OR1J2: variants seen among roughly 807,000 people sequenced by gnomAD.
OR1J2 encodes olfactory receptor family 1 subfamily J member 2, also known as olfactory receptor 1J2.
For missense variants in OR1J2, 304 were observed against 246.1 expected (o/e 1.24, Z -1.57); for synonymous variants, 142 against 99.7 (o/e 1.42, Z -2.52).
chr9:122,518,159 T>G, the OR1J2 span, among the ~76,000 whole-genome samples: 1 of 152,204 alleles, frequency 6.6e-6, no homozygotes, highest in African/African-American at 2.4e-5. Flanking sequence ...ATATATGCCA[T>G]GGCTTTAGAA....
the OR1J2 span, among the ~76,000 whole-genome samples, chr9:122,528,830 A>G: frequency 6.6e-6 from 1 of 152,328 alleles, no homozygotes; most frequent in East Asian, 1.9e-4. Flanking sequence ...AGTTTACACT[A>G]TGTCTTGGAG....
chr9:122,511,700 C>T lies in OR1J2; in HGVS notation c.899C>T (p.Ala300Val), dbSNP rs148745931. Reference sequence around the variant, plus strand: ...CTTAGGAACAGGGACATGAAAGAGGCCCTTGGGAAACTCTTCAGTAGAGCA... The same window carrying T: ...CTTAGGAACAGGGACATGAAAGAGGTCCTTGGGAAACTCTTCAGTAGAGCA... Reference protein sequence around the residue: ...YSLRNRDMKEALGKLFSRATF... With the variant: ...YSLRNRDMKEVLGKLFSRATF... The change falls in exon 1 of 1, where the codon GCC (alanine) becomes GTC (valine). Residue 300 changes from alanine (A) to valine (V), a missense_variant. Transcript: ENST00000335302. 1.8e-5 allele frequency: 14 copies of T among 780,880 alleles called. No homozygotes were observed. In the African/African-American group the frequency reaches 2.0e-4, roughly 11 times the overall value. The allele number at this position is 780,880 out of a possible 1,614,324, so 48.4% of individuals were successfully genotyped here.
At chr9:122,555,798 C>T in the OR1J2 span, among the ~76,000 whole-genome samples, 1 of 152,084 alleles carries the variant, frequency 6.6e-6, no homozygotes, top group East Asian at 1.9e-4. Flanking sequence ...ACTTTATGCC[C>T]CAACACACGC....
the OR1J2 span, among the ~76,000 whole-genome samples, chr9:122,489,295 A>T: frequency 6.6e-6 from 1 of 151,696 alleles, no homozygotes; most frequent in Non-Finnish European, 1.5e-5. Context: ...ATATATATAT[A>T]TTTACACTCG....
chr9:122,499,642 G>C, the OR1J2 span, among the ~76,000 whole-genome samples: 16 of 152,214 alleles, frequency 1.1e-4, no homozygotes, highest in Non-Finnish European at 2.4e-4. Context: ...GAAGAATAGG[G>C]TGGGTCAGGC....
chr9:122,477,192 G>A, the OR1J2 span: 1 of 1,614,090 alleles, frequency 6.2e-7, no homozygotes, highest in African/African-American at 1.3e-5. Context: ...TCACCACTGA[G>A]AGGTGGGATC....
chr9:122,512,402 A>T (rs570804578), downstream of OR1J2, among the ~76,000 whole-genome samples: 1 of 152,360 alleles, frequency 6.6e-6, no homozygotes, highest in African/African-American at 2.4e-5. Context: ...ATGATTTAGT[A>T]GAATTTTGGG....
At chr9:122,566,851 A>G in the OR1J2 span, among the ~76,000 whole-genome samples, 3 of 152,188 alleles carry the variant, frequency 2.0e-5, no homozygotes, top group African/African-American at 7.2e-5. Context: ...ACCAGAAGAA[A>G]TGTTTCAACC....
chr9:122,465,310 C>T, the OR1J2 span, among the ~76,000 whole-genome samples: 1 of 152,170 alleles, frequency 6.6e-6, no homozygotes, highest in East Asian at 1.9e-4. Flanking sequence ...AACAAAACAC[C>T]AGTCCAAACG....
chr9:122,549,617 G>T, the OR1J2 span, among the ~76,000 whole-genome samples: 1 of 152,220 alleles, frequency 6.6e-6, no homozygotes, highest in Non-Finnish European at 1.5e-5. Flanking sequence ...GTTGAATAGG[G>T]TGTCTTTTCC....
chr9:122,533,644 AAG>A, the OR1J2 span, among the ~76,000 whole-genome samples: 1 of 152,176 alleles, frequency 6.6e-6, no homozygotes, highest in Admixed American at 6.5e-5. Context: ...ATAATTAAAA[AAG>A]AGTGCATAAA....
upstream of OR1J2, among the ~76,000 whole-genome samples, chr9:122,506,438 C>T (rs752002383): frequency 1.3e-5 from 2 of 152,066 alleles, no homozygotes; most frequent in Non-Finnish European, 2.9e-5. Flanking sequence ...TTAAGCTCTT[C>T]GATTCACAGC....
At chr9:122,540,710 A>C in the OR1J2 span, among the ~76,000 whole-genome samples, 74 of 152,250 alleles carry the variant, frequency 4.9e-4, no homozygotes, top group African/African-American at 1.5e-3. Context: ...CTTGGGCAGT[A>C]TGGCCATTTT....
At chr9:122,476,580 G>A in the OR1J2 span, among the ~76,000 whole-genome samples, 1 of 152,146 alleles carries the variant, frequency 6.6e-6, no homozygotes, top group Non-Finnish European at 1.5e-5. Flanking sequence ...GTGGAAGAAA[G>A]ACAAGTGAGC....
chr9:122,527,427 T>G, the OR1J2 span: 1 of 612,158 alleles, frequency 1.6e-6, no homozygotes. Flanking sequence ...ATTCTGATCC[T>G]GCTTCTTTTC....
the OR1J2 span, among the ~76,000 whole-genome samples, chr9:122,524,893 C>T: frequency 1.3e-5 from 2 of 152,134 alleles, no homozygotes; most frequent in Non-Finnish European, 2.9e-5. Context: ...CTAGGAGACC[C>T]TCTTCTGAAA....
the OR1J2 span, among the ~76,000 whole-genome samples, chr9:122,466,584 C>T: frequency 6.6e-6 from 1 of 152,232 alleles, no homozygotes; most frequent in African/African-American, 2.4e-5. Context: ...GTTACAATTA[C>T]AGCAAACTGA....
At chr9:122,473,418 T>C in the OR1J2 span, among the ~76,000 whole-genome samples, 1 of 152,214 alleles carries the variant, frequency 6.6e-6, no homozygotes, top group Admixed American at 6.5e-5. Context: ...CTTTACCATA[T>C]GTAAGAAAAC....
At chr9:122,482,972 C>CA in the OR1J2 span, among the ~76,000 whole-genome samples, 1 of 152,070 alleles carries the variant, frequency 6.6e-6, no homozygotes, top group Non-Finnish European at 1.5e-5. Context: ...TTGTTAACAA[C>CA]ATTGTATATT....
Sources: allele counts gnomAD v4.1 joint callset (sites outside exome capture counted in the v4.1 genomes callset), GRCh38; gene constraint gnomAD v4.1.1; transcripts MANE v1.5; gene names NCBI Gene and HGNC (gene_info 2026-07-23, HGNC 2026-07-21).